Variants in CSRNP3 observed in about 807,000 individuals in gnomAD.
CSRNP3 encodes the protein cysteine/serine-rich nuclear protein 3.
In CSRNP3, 12 loss-of-function variants were observed where a neutral mutation model predicts 48.0. The observed-to-expected ratio is 0.25, with a 90% CI of 0.16 to 0.41. CSRNP3 has a LOEUF of 0.41. Ranked by LOEUF, CSRNP3 falls within the 10% of genes least tolerant of loss-of-function variation. The probability of loss-of-function intolerance (pLI) is 1.00; values close to 1 mark genes in which losing one functional copy is unlikely to be tolerated. For missense variants in CSRNP3, 580 were observed against 724.4 expected (o/e 0.80, Z 2.29); for synonymous variants, 263 against 269.7 (o/e 0.98, Z 0.24).
At chr2:165,516,938 T>G (rs1684590057) in intron 2 of CSRNP3, among the ~76,000 whole-genome samples, 1 of 152,142 alleles carries the variant, frequency 6.6e-6, no homozygotes, top group Non-Finnish European at 1.5e-5. Flanking sequence ...ATAAGTTGCT[T>G]GTGTAGGGTA....
intron 4 of CSRNP3, among the ~76,000 whole-genome samples, chr2:165,632,104 A>G (rs1686547901): frequency 6.6e-6 from 1 of 152,272 alleles, no homozygotes; most frequent in Non-Finnish European, 1.5e-5. Flanking sequence ...ACTAAAGTTA[A>G]TAGAAAATTA....
chr2:165,659,485 A>T (rs1375168661), intron 5 of CSRNP3, among the ~76,000 whole-genome samples: 2 of 152,140 alleles, frequency 1.3e-5, no homozygotes, highest in African/African-American at 4.8e-5. Flanking sequence ...GTGGATAGTG[A>T]GATCATTTTT....
chr2:165,562,877 T>C (rs1176688909), intron 3 of CSRNP3, among the ~76,000 whole-genome samples: 1 of 152,012 alleles, frequency 6.6e-6, no homozygotes, highest in Non-Finnish European at 1.5e-5. Flanking sequence ...AAGGGACAAG[T>C]TTTTTCACTC....
chr2:165,476,773 A>T (rs1683967596), intron 1 of CSRNP3, among the ~76,000 whole-genome samples: 1 of 152,198 alleles, frequency 6.6e-6, no homozygotes, highest in South Asian at 2.1e-4. Flanking sequence ...TTATCTGTAA[A>T]ATTCAGTTAT....
chr2:165,654,958 C>T (rs1480067673), intron 4 of CSRNP3, among the ~76,000 whole-genome samples: 2 of 152,162 alleles, frequency 1.3e-5, no homozygotes, highest in African/African-American at 4.8e-5. Context: ...GTATCCCAAT[C>T]ATCTAGAAAG....
At chr2:165,530,289 A>C (rs1331762076) in intron 3 of CSRNP3, among the ~76,000 whole-genome samples, 2 of 152,152 alleles carry the variant, frequency 1.3e-5, no homozygotes, top group Non-Finnish European at 2.9e-5. Context: ...TTCAATTACT[A>C]ATCTGAAAAA....
intron 1 of CSRNP3, among the ~76,000 whole-genome samples, chr2:165,489,887 C>T (rs1238840461): frequency 2.1e-5 from 3 of 143,356 alleles, no homozygotes; most frequent in Non-Finnish European, 4.6e-5. Flanking sequence ...AAAACTGGCA[C>T]AAGACAGGGA....
intron 1 of CSRNP3, among the ~76,000 whole-genome samples, chr2:165,493,224 C>A (rs1051921763): frequency 6.6e-6 from 1 of 151,814 alleles, no homozygotes; most frequent in African/African-American, 2.4e-5. Context: ...AAAAAAGTCA[C>A]TTCAGTTAGA....
chr2:165,594,810 T>C (rs1422161461), intron 3 of CSRNP3, among the ~76,000 whole-genome samples: 1 of 152,182 alleles, frequency 6.6e-6, no homozygotes, highest in Admixed American at 6.5e-5. Flanking sequence ...AAATGAACTA[T>C]GTCTCAAAAT....
intron 1 of CSRNP3, among the ~76,000 whole-genome samples, chr2:165,478,156 G>A (rs1232027624): frequency 6.6e-6 from 1 of 152,170 alleles, no homozygotes; most frequent in Non-Finnish European, 1.5e-5. Context: ...CTTGCAGATT[G>A]TATTTTGTAT....
intron 3 of CSRNP3, among the ~76,000 whole-genome samples, chr2:165,581,626 T>G (rs1203578215): frequency 1.4e-5 from 2 of 145,008 alleles, no homozygotes; most frequent in African/African-American, 5.1e-5. Flanking sequence ...AATCTCTGCC[T>G]CCTGGGTTCA....
At chr2:165,662,604 G>C (rs1687116167) in intron 5 of CSRNP3, among the ~76,000 whole-genome samples, 1 of 152,098 alleles carries the variant, frequency 6.6e-6, no homozygotes, top group Non-Finnish European at 1.5e-5. Flanking sequence ...AATTACATTA[G>C]ACTTTATTCC....
intron 5 of CSRNP3, among the ~76,000 whole-genome samples, chr2:165,663,041 G>A (rs972506870): frequency 6.6e-6 from 1 of 151,938 alleles, no homozygotes; most frequent in Admixed American, 6.6e-5. Flanking sequence ...ATTTATGACT[G>A]CTTTGCCCAT....
chr2:165,503,566 GATT>G (rs1422822526), intron 2 of CSRNP3, among the ~76,000 whole-genome samples: 1 of 151,852 alleles, frequency 6.6e-6, no homozygotes, highest in Non-Finnish European at 1.5e-5. Context: ...TATCTCACAT[GATT>G]ATTATTTAAA....
At chr2:165,565,934 GTTCT>G (rs1052200143) in intron 3 of CSRNP3, among the ~76,000 whole-genome samples, 1 of 151,894 alleles carries the variant, frequency 6.6e-6, no homozygotes, top group African/African-American at 2.4e-5. Context: ...AGCACTCTTT[GTTCT>G]TTCTTAACCT....
chr2:165,670,849 A>AT (rs5836048), intron 5 of CSRNP3, among the ~76,000 whole-genome samples: 103,478 of 151,954 alleles, frequency 0.68, 36,280 homozygotes, highest in South Asian at 0.77. Flanking sequence ...TTTAAATCAC[A>AT]TTTTTTGCAG....
intron 3 of CSRNP3, among the ~76,000 whole-genome samples, chr2:165,541,003 A>C (rs1684949405): frequency 6.6e-6 from 1 of 152,104 alleles, no homozygotes; most frequent in Non-Finnish European, 1.5e-5. Flanking sequence ...CTTCCAAAGA[A>C]AATTTTACAT....
At chr2:165,672,521 C>A (rs1162116264) in intron 5 of CSRNP3, among the ~76,000 whole-genome samples, 1 of 152,118 alleles carries the variant, frequency 6.6e-6, no homozygotes, top group East Asian at 1.9e-4. Context: ...GAAAAACCAC[C>A]CCCATGATTC....
intron 1 of CSRNP3, among the ~76,000 whole-genome samples, chr2:165,476,003 G>T (rs1683957989): frequency 6.6e-6 from 1 of 152,038 alleles, no homozygotes; most frequent in Admixed American, 6.6e-5. Context: ...GTAATTAACT[G>T]TAATTGTTAT....
Sources: allele counts gnomAD v4.1 joint callset (sites outside exome capture counted in the v4.1 genomes callset), GRCh38; gene constraint gnomAD v4.1.1; transcripts MANE v1.5; gene names NCBI Gene and HGNC (gene_info 2026-07-23, HGNC 2026-07-21).